The following CHRNA7 variants were observed in gnomAD, a reference collection of about 807,000 sequenced individuals.
CHRNA7 encodes cholinergic receptor nicotinic alpha 7 subunit.
In CHRNA7, 17 loss-of-function variants were observed where a neutral mutation model predicts 48.0. That is an observed-to-expected ratio of 0.35 (90% CI 0.24 to 0.53). The LOEUF (loss-of-function observed/expected upper bound fraction) is 0.53, where lower values mean the gene tolerates loss of function less well. Among genes scored for constraint, CHRNA7 ranks in the 20% least tolerant of loss-of-function variants. The pLI is 0.92. For synonymous variants in CHRNA7, 75 were observed against 242.3 expected (o/e 0.31, Z 6.41); for missense variants, 155 against 577.7 (o/e 0.27, Z 7.50).
intron 3 of CHRNA7, chr15:32,103,231 G>A (rs1321161078): frequency 6.6e-6 from 1 of 152,144 alleles, no homozygotes; most frequent in Non-Finnish European, 1.5e-5. Flanking sequence ...CCAACATGGT[G>A]CAACCCTGTC....
chr15:32,142,946 C>A (rs578182113), intron 4 of CHRNA7, among the ~76,000 whole-genome samples: 73 of 152,196 alleles, frequency 4.8e-4, no homozygotes, highest in African/African-American at 1.7e-3. Flanking sequence ...TTAATTATTT[C>A]TTTCCTTCAG....
At chr15:32,098,212 A>T (rs113564830) in intron 2 of CHRNA7, among the ~76,000 whole-genome samples, 6,940 of 151,768 alleles carry the variant, frequency 0.046, 513 homozygotes, top group African/African-American at 0.16. Flanking sequence ...TCTGTGCAGA[A>T]GCCTGTCAGG....
intron 4 of CHRNA7, among the ~76,000 whole-genome samples, chr15:32,112,749 C>G (rs372204387): frequency 6.6e-6 from 1 of 152,308 alleles, no homozygotes; most frequent in Admixed American, 6.5e-5. Context: ...CATGGTCACT[C>G]GGTGATCCCG....
chr15:32,133,928 G>T (rs1168313214), intron 4 of CHRNA7, among the ~76,000 whole-genome samples: 1 of 152,202 alleles, frequency 6.6e-6, no homozygotes, highest in Non-Finnish European at 1.5e-5. Context: ...TGTCCAGTCA[G>T]CAAGGTTCAT....
chr15:32,063,225 C>T lies in CHRNA7; in HGVS notation c.195+32188C>T, dbSNP rs76518558. On this transcript the variant is annotated intron_variant, in intron 2 of 9. Coordinates refer to ENST00000306901, the MANE Select transcript of CHRNA7 (RefSeq NM_000746.6). The stretch of plus-strand genomic sequence containing the variant: ...ACTTCGTAAACACTGTACACTTAGA[C>T]TACACTAAATTAAAAAAAAAAAGTA... Among the ~76,000 whole-genome samples the T allele has an allele frequency of 1.7e-4, 25 of 151,168 alleles. 1 individual carries two copies. In the East Asian group the frequency reaches 4.9e-3, roughly 29 times the overall value.
At chr15:32,112,808 C>A (rs568271334) in intron 4 of CHRNA7, among the ~76,000 whole-genome samples, 7 of 152,174 alleles carry the variant, frequency 4.6e-5, no homozygotes, top group Admixed American at 3.3e-4. Context: ...GAAGGCTGGG[C>A]GATGCTATTT....
intron 4 of CHRNA7, among the ~76,000 whole-genome samples, chr15:32,117,017 G>A (rs1210090612): frequency 6.6e-6 from 1 of 152,168 alleles, no homozygotes; most frequent in African/African-American, 2.4e-5. Flanking sequence ...TCATAATTGT[G>A]CTCATCATTG....
chr15:32,087,690 A>G (rs1321448290), intron 2 of CHRNA7, among the ~76,000 whole-genome samples: 1 of 152,182 alleles, frequency 6.6e-6, no homozygotes, highest in Non-Finnish European at 1.5e-5. Context: ...CATGGCATCC[A>G]TTTACTTAAC....
chr15:32,063,385 C>T (rs944616274), intron 2 of CHRNA7, among the ~76,000 whole-genome samples: 7 of 152,094 alleles, frequency 4.6e-5, no homozygotes, highest in Non-Finnish European at 1.0e-4. Context: ...ACATAATTGT[C>T]CTTGTGATTA....
At chr15:32,070,669 C>CTTTTTTGTTTTTTTT (rs2050041182) in intron 2 of CHRNA7, among the ~76,000 whole-genome samples, 1 of 40,850 alleles carries the variant, frequency 2.4e-5, no homozygotes, top group African/African-American at 9.3e-5. Context: ...GGTTTAGTTC[C>CTTTTTTGTTTTTTTT]TTTTTTTTTT....
chr15:32,050,627 A>T (rs368690685), intron 2 of CHRNA7, among the ~76,000 whole-genome samples: 1 of 152,076 alleles, frequency 6.6e-6, no homozygotes, highest in East Asian at 1.9e-4. Flanking sequence ...TGGTCGTCTG[A>T]AGCCTTCTTC....
At chr15:32,075,809 C>T (rs2050128162) in intron 2 of CHRNA7, among the ~76,000 whole-genome samples, 1 of 151,020 alleles carries the variant, frequency 6.6e-6, no homozygotes, top group African/African-American at 2.4e-5. Context: ...GAGTCTTTTC[C>T]TTTTTTCTCA....
At chr15:32,153,034 ACT>A (rs1190154591) in intron 4 of CHRNA7, among the ~76,000 whole-genome samples, 14 of 149,612 alleles carry the variant, frequency 9.4e-5, no homozygotes, top group Admixed American at 8.6e-4. Context: ...GTCTTCCCTC[ACT>A]CTCCTTCTTT....
At chr15:32,126,615 A>G (rs187553997) in intron 4 of CHRNA7, among the ~76,000 whole-genome samples, 2 of 152,288 alleles carry the variant, frequency 1.3e-5, no homozygotes, top group South Asian at 2.1e-4. Flanking sequence ...TTATGTGGTT[A>G]GACGGACTGC....
intron 4 of CHRNA7, among the ~76,000 whole-genome samples, chr15:32,128,845 C>A (rs1411653650): frequency 6.6e-6 from 1 of 151,776 alleles, no homozygotes; most frequent in Non-Finnish European, 1.5e-5. Context: ...GATCTTATGG[C>A]GAAAGCATCC....
intron 4 of CHRNA7, among the ~76,000 whole-genome samples, chr15:32,146,471 TATC>T (rs1353743689): frequency 2.6e-5 from 4 of 152,226 alleles, no homozygotes; most frequent in Non-Finnish European, 4.4e-5. Flanking sequence ...ATAAACCTGT[TATC>T]ATCTTTATAG....
intron 4 of CHRNA7, among the ~76,000 whole-genome samples, chr15:32,120,871 C>G (rs1046279987): frequency 1.3e-5 from 2 of 152,184 alleles, no homozygotes; most frequent in Non-Finnish European, 2.9e-5. Context: ...GTGATAAATA[C>G]ATGAGACAGG....
intron 2 of CHRNA7, among the ~76,000 whole-genome samples, chr15:32,043,081 G>A (rs1169467732): frequency 2.0e-5 from 3 of 152,168 alleles, no homozygotes; most frequent in Non-Finnish European, 4.4e-5. Context: ...GTATAAACAT[G>A]ATGTATGGTG....
chr15:32,131,113 TTG>T (rs1442144425), intron 4 of CHRNA7, among the ~76,000 whole-genome samples: 1 of 152,166 alleles, frequency 6.6e-6, no homozygotes, highest in Non-Finnish European at 1.5e-5. Flanking sequence ...GATTTTCTCT[TTG>T]TGTTTAATTT....
Sources: allele counts gnomAD v4.1 joint callset (sites outside exome capture counted in the v4.1 genomes callset), GRCh38; gene constraint gnomAD v4.1.1; transcripts MANE v1.5; gene names NCBI Gene and HGNC (gene_info 2026-07-23, HGNC 2026-07-21).